The following MMD2 variants were observed in gnomAD, a reference collection of about 807,000 sequenced individuals.
MMD2 encodes the protein monocyte to macrophage differentiation associated 2.
Under a neutral mutation model 33.5 loss-of-function variants are expected in MMD2, and 30 were observed. The observed-to-expected ratio is 0.90, with a 90% CI of 0.67 to 1.22. The LOEUF (loss-of-function observed/expected upper bound fraction) is 1.22, where lower values mean the gene tolerates loss of function less well. Among genes scored for constraint, MMD2 ranks in the 50% most tolerant of loss-of-function variants. The pLI, the probability that MMD2 is intolerant of heterozygous loss-of-function variation, is 0.00. For synonymous variants in MMD2, 129 were observed against 123.0 expected (o/e 1.05, Z -0.32); for missense variants, 364 against 325.4 (o/e 1.12, Z -0.91).
chr7:4,930,225 C>T (rs1197259270), intron 1 of MMD2, among the ~76,000 whole-genome samples: 6 of 144,506 alleles, frequency 4.2e-5, no homozygotes, highest in South Asian at 4.5e-4. Flanking sequence ...GCCAAGATCA[C>T]GCCGCCACTG....
intron 1 of MMD2, among the ~76,000 whole-genome samples, chr7:4,953,055 G>GTC (rs772084690): frequency 6.6e-6 from 1 of 151,802 alleles, no homozygotes; most frequent in Non-Finnish European, 1.5e-5. Flanking sequence ...GGTCAGGGTG[G>GTC]TCTCAAACTC....
chr7:4,919,024 T>A (rs1785209301), intron 3 of MMD2, among the ~76,000 whole-genome samples: 1 of 151,866 alleles, frequency 6.6e-6, no homozygotes, highest in Non-Finnish European at 1.5e-5. Flanking sequence ...GCTTGAGCCC[T>A]GGAGGTGGAG....
chr7:4,933,091 T>C (rs923138209), intron 1 of MMD2, among the ~76,000 whole-genome samples: 7 of 152,080 alleles, frequency 4.6e-5, no homozygotes, highest in South Asian at 2.1e-4. Context: ...TAAAATGTAT[T>C]GTGATCAGGC....
intron 2 of MMD2, among the ~76,000 whole-genome samples, 160 bp downstream of exon 2, chr7:4,925,291 A>G (rs967784704): frequency 3.3e-5 from 5 of 151,020 alleles, no homozygotes; most frequent in African/African-American, 9.7e-5. Flanking sequence ...AGTTTACCCC[A>G]GTGGCCTTCC....
chr7:4,920,912 C>T (rs922556559), intron 2 of MMD2, among the ~76,000 whole-genome samples: 1 of 151,990 alleles, frequency 6.6e-6, no homozygotes, highest in Non-Finnish European at 1.5e-5. Context: ...GAGGTGGGGT[C>T]TGGCTATAAT....
chr7:4,935,275 C>A (rs1165146867), intron 1 of MMD2, among the ~76,000 whole-genome samples: 4 of 152,028 alleles, frequency 2.6e-5, no homozygotes, highest in Admixed American at 6.6e-5. Flanking sequence ...ATCATATGAG[C>A]CAGGAGGTCG....
intron 1 of MMD2, among the ~76,000 whole-genome samples, chr7:4,943,422 C>T (rs1386225033): frequency 1.3e-5 from 2 of 152,082 alleles, no homozygotes; most frequent in South Asian, 2.1e-4. Context: ...AGATTACAGG[C>T]GTGCGCCACC....
chr7:4,926,014 C>T (rs1169717898), intron 1 of MMD2, among the ~76,000 whole-genome samples: 1 of 152,116 alleles, frequency 6.6e-6, no homozygotes, highest in Non-Finnish European at 1.5e-5. Flanking sequence ...CCATGTTGGC[C>T]AGGCTGGTCT....
At chr7:4,957,029 G>A (rs1298499261) in intron 1 of MMD2, among the ~76,000 whole-genome samples, 1 of 151,978 alleles carries the variant, frequency 6.6e-6, no homozygotes, top group Non-Finnish European at 1.5e-5. Flanking sequence ...AGCCAGGCTT[G>A]GTGGCAGGCG....
chr7:4,950,669 G>A (rs1406891098), intron 1 of MMD2, among the ~76,000 whole-genome samples: 3 of 151,390 alleles, frequency 2.0e-5, no homozygotes, highest in African/African-American at 4.8e-5. Flanking sequence ...GCTACCGCGT[G>A]TGCCAGAATT....
intron 1 of MMD2, among the ~76,000 whole-genome samples, chr7:4,938,742 G>A (rs577311868): frequency 6.6e-6 from 1 of 152,278 alleles, no homozygotes; most frequent in African/African-American, 2.4e-5. Context: ...GGGGAGACAG[G>A]CATGAGAAAT....
chr7:4,904,920 G>C (rs186186), downstream of MMD2, among the ~76,000 whole-genome samples: 2 of 152,230 alleles, frequency 1.3e-5, no homozygotes, highest in Non-Finnish European at 2.9e-5. Context: ...ACAGGGAGCA[G>C]AGGGGAAGCC....
intron 1 of MMD2, among the ~76,000 whole-genome samples, chr7:4,945,309 C>G (rs1374031680): frequency 6.7e-6 from 1 of 148,440 alleles, no homozygotes; most frequent in African/African-American, 2.5e-5. Context: ...TGCTCTGTCA[C>G]CCAGGCTGGA....
rs947889082 is a variant in MMD2 at position 4,914,347 on chromosome 7, G to T, written c.365+1658C>A. Among the ~76,000 whole-genome samples, 3 of 152,112 alleles carry T rather than the reference G, an allele frequency of 2.0e-5. No individual in the cohort carries two copies. In the East Asian group the frequency reaches 5.8e-4, roughly 29 times the overall value. ...TGTGGCCACATTCAGAAGCCAGCTT[G>T]TTTTTTTCACATTGCAAATAATTTA... On this transcript the variant is annotated intron_variant, in intron 4 of 6. Coordinates refer to ENST00000401401, the MANE Select transcript of MMD2 (RefSeq NM_198403.4).
chr7:4,933,320 C>G (rs925056323), intron 1 of MMD2, among the ~76,000 whole-genome samples: 27 of 152,158 alleles, frequency 1.8e-4, no homozygotes, highest in African/African-American at 5.6e-4. Context: ...CAAGATCGTG[C>G]CACTGCACTC....
intron 3 of MMD2, among the ~76,000 whole-genome samples, chr7:4,916,371 CTTT>C (rs553309427): frequency 0.017 from 1,126 of 64,704 alleles, 44 homozygotes; most frequent in African/African-American, 0.072. Context: ...CTCCGTCCCA[CTTT>C]TTTTTTTTTT....
chr7:4,931,622 G>C (rs779101288), intron 1 of MMD2, among the ~76,000 whole-genome samples: 1 of 151,544 alleles, frequency 6.6e-6, no homozygotes. Context: ...TAGAGATAGA[G>C]TCTCACTGTG....
intron 1 of MMD2, among the ~76,000 whole-genome samples, chr7:4,936,561 A>G (rs1390545373): frequency 6.6e-6 from 1 of 151,992 alleles, no homozygotes; most frequent in African/African-American, 2.4e-5. Flanking sequence ...TTATTTCATT[A>G]CTAATTTATT....
intron 3 of MMD2, among the ~76,000 whole-genome samples, chr7:4,919,905 A>C (rs1252871677): frequency 6.6e-6 from 1 of 152,214 alleles, no homozygotes; most frequent in African/African-American, 2.4e-5. Flanking sequence ...CAGAAAAAAC[A>C]AAAAGCAACA....
Sources: gnomAD v4.1 joint callset for allele counts (sites outside exome capture counted in the v4.1 genomes callset) on GRCh38, gnomAD v4.1.1 for gene constraint, MANE v1.5 for transcripts, NCBI Gene and HGNC (gene_info 2026-07-23, HGNC 2026-07-21) for gene names.